DDX43: variants seen among roughly 807,000 people sequenced by gnomAD.
DDX43 encodes DEAD-box helicase 43.
A neutral mutation model predicts 84.9 loss-of-function variants in DDX43; 50 were observed. The observed-to-expected ratio is 0.59, with a 90% CI of 0.47 to 0.75. The LOEUF is 0.75. Ranked by LOEUF, DDX43 falls within the 30% of genes least tolerant of loss-of-function variation. The pLI is 0.00. For synonymous variants in DDX43, 291 were observed against 266.3 expected (o/e 1.09, Z -0.90); for missense variants, 689 against 798.6 (o/e 0.86, Z 1.65).
chr6:73,412,235 C>G lies in DDX43; in HGVS notation c.1311C>G (p.Leu437=), dbSNP rs138958030. The G allele has an allele frequency of 6.2e-6, 10 of 1,613,660 alleles. No individual in the cohort carries two copies. The South Asian group carries it at 9.9e-5, about 16-fold the overall frequency. ...CATGGCCTCATTCAGTTCATCGCCT[C>G]GCACAATCTTATTTGAAAGAACCAA... ...SATWPHSVHR[L]AQSYLKEPMI... is the part of the protein sequence containing the mutation. Residue 437 remains leucine, a synonymous_variant, in exon 11 of 17, where the codon CTC becomes CTG. Transcript: ENST00000370336.
chr6:73,409,195 T>G, intron 9 of DDX43, 53 bp from the exon 10 acceptor site: 1 of 1,346,104 alleles, frequency 7.4e-7, no homozygotes, highest in Non-Finnish European at 1.1e-6. Context: ...AGCATATGTA[T>G]TATTACCTGC....
Position 73,409,352 on chromosome 6 carries a change from C to T in DDX43, c.1280+4C>T, listed in dbSNP as rs780156993. On this transcript the variant is annotated splice_donor_region_variant and intron_variant, in intron 10 of 16. Coordinates refer to ENST00000370336, the MANE Select transcript of DDX43 (RefSeq NM_018665.3). Reference sequence around the variant, plus strand: ...ATAGGCAGACAGTTATGACCAGGTACGTATATGCTTAATTACTGTGTGCAG... The same window carrying T: ...ATAGGCAGACAGTTATGACCAGGTATGTATATGCTTAATTACTGTGTGCAG... The T allele has an allele frequency of 1.7e-5, 27 of 1,595,626 alleles. No homozygotes were observed. Among genetic ancestry groups the T allele is most frequent in the East Asian group, 4.5e-5 (2 of 44,784 alleles).
chr6:73,406,497 G>A lies in DDX43; in HGVS notation c.926+15G>A. On this transcript the variant is annotated intron_variant, in intron 7 of 16. Coordinates refer to ENST00000370336, the MANE Select transcript of DDX43 (RefSeq NM_018665.3). ...CTTCAACCCAGGTAAGAATTCCTAT[G>A]GCTGGTTTCTTCTTATAGAGGTTTA... 2 of 1,516,434 alleles carry A rather than the reference G, an allele frequency of 1.3e-6. No homozygotes were observed. Among genetic ancestry groups the A allele is most frequent in the Non-Finnish European group, 1.8e-6 (2 of 1,093,692 alleles). 93.9% of individuals were successfully genotyped at this position (1,516,434 alleles called of 1,614,324 possible). A position where few individuals can be genotyped will look rare whatever the true frequency, so the allele number is the denominator to read the frequency against.
At chr6:73,409,394 A>C (rs377362293) in intron 10 of DDX43, 46 bp downstream of exon 10, 271 of 1,404,778 alleles carry the variant, frequency 1.9e-4, no homozygotes, top group Middle Eastern at 8.8e-4. Context: ...AATCAGTGGA[A>C]TAGAATCTCA....
rs1219255040 is a variant in DDX43, at chr6:73,417,293, A to G, written c.*132A>G. On this transcript the variant is annotated 3_prime_UTR_variant, in exon 17 of 17. Coordinates refer to ENST00000370336, the MANE Select transcript of DDX43 (RefSeq NM_018665.3). The stretch of plus-strand genomic sequence containing the variant: ...ATTCTTAAAATAATAGTGTTTGAAA[A>G]TATAGAATCCAGTGTTTTATACTTT... 4 of 152,242 alleles carry G rather than the reference A, an allele frequency of 2.6e-5. No homozygotes were observed. The highest frequency in any genetic ancestry group is 9.6e-5 in the African/African-American group (4 of 41,472). 9.4% of individuals were successfully genotyped at this position (152,242 alleles called of 1,614,324 possible). A position where few individuals can be genotyped will look rare whatever the true frequency, so the allele number is the denominator to read the frequency against.
rs757650493 is a variant in DDX43 at position 73,409,321 on chromosome 6, G to A, written c.1253G>A (p.Arg418His). The A allele has an allele frequency of 6.8e-6, 11 of 1,613,972 alleles. No individual in the cohort carries two copies. The highest frequency in any genetic ancestry group is 2.2e-5 in the South Asian group (2 of 91,070). ...ATAATGAAGATTTTGTTAGATGTGC[G>A]CCCAGATAGGCAGACAGTTATGACC... ...PQIMKILLDV[R>H]PDRQTVMTSA... Residue 418 changes from arginine to histidine, a missense_variant, in exon 10 of 17, where the codon CGC (arginine) becomes CAC (histidine). Arg to His is a conservative substitution (Grantham distance 29, BLOSUM62 0). Coordinates refer to ENST00000370336, the MANE Select transcript of DDX43 (RefSeq NM_018665.3).
chr6:73,412,658 T>TGCGC (rs1391921205), intron 11 of DDX43, among the ~76,000 whole-genome samples: 1 of 87,842 alleles, frequency 1.1e-5, no homozygotes, highest in African/African-American at 4.2e-5. Flanking sequence ...TGTGTGTGTG[T>TGCGC]GTGTGTGTGT....
chr6:73,411,048 C>T (rs1251106930), intron 10 of DDX43, among the ~76,000 whole-genome samples: 1 of 151,372 alleles, frequency 6.6e-6, no homozygotes, highest in Admixed American at 6.6e-5. Context: ...TGGTGGCGGG[C>T]GCCTATAGTC....
rs1769927130 is a variant in DDX43, at chr6:73,417,545, G to A, written c.*384G>A. 6.6e-6 allele frequency: 1 copy of A among 152,126 alleles called. No homozygotes were observed. The highest frequency in any genetic ancestry group is 1.5e-5 in the Non-Finnish European group (1 of 68,012). The allele number at this position is 152,126 out of a possible 1,614,324, so 9.4% of individuals were successfully genotyped here. A position where few individuals can be genotyped will look rare whatever the true frequency, so the allele number is the denominator to read the frequency against. On this transcript the variant is annotated 3_prime_UTR_variant, in exon 17 of 17. Transcript: ENST00000370336. Reference sequence around the variant, plus strand: ...ACCTGAAAAAATACTGTTAATAAATGTTCGTTTCTGTGATAAAAAGACAAG... The same window carrying A: ...ACCTGAAAAAATACTGTTAATAAATATTCGTTTCTGTGATAAAAAGACAAG...
intron 10 of DDX43, among the ~76,000 whole-genome samples, chr6:73,410,849 C>G (rs1769771233): frequency 6.6e-6 from 1 of 152,156 alleles, no homozygotes; most frequent in Admixed American, 6.5e-5. Context: ...CCACCTAAGC[C>G]TCCCAAAGTG....
At chr6:73,395,280 C>T (rs1411283587) in intron 1 of DDX43, 125 bp downstream of exon 1, 5 of 1,221,974 alleles carry the variant, frequency 4.1e-6, no homozygotes, top group African/African-American at 1.5e-5. Context: ...AGGTCTCTCC[C>T]AGAGCTATTT....
chr6:73,395,753 A>G (rs1391603984), intron 1 of DDX43, among the ~76,000 whole-genome samples: 1 of 152,186 alleles, frequency 6.6e-6, no homozygotes, highest in African/African-American at 2.4e-5. Flanking sequence ...TTTAACAGAC[A>G]GCTAACCCCA....
chr6:73,415,300 AAAAT>A lies in DDX43; in HGVS notation c.1746-174_1746-171del, dbSNP rs546574050. On this transcript the variant is annotated intron_variant, in intron 14 of 16. Coordinates refer to ENST00000370336, the MANE Select transcript of DDX43 (RefSeq NM_018665.3). The stretch of plus-strand genomic sequence containing the variant: ...GCAACAGTGCAAGACTCCATCTCAA[AAAAT>A]AAATAAATAAATAAATAAATAAGAG... Among the ~76,000 whole-genome samples, 271 of 152,096 alleles carry A rather than the reference AAAAT, an allele frequency of 1.8e-3. 2 individuals carry two copies. In the South Asian group the frequency reaches 0.03, roughly 17 times the overall value.
At position 73,416,238 on chromosome 6, in the gene DDX43, C is replaced by CTA; in HGVS notation, c.*13_*14dup. ...AGAAGTTTCATTAATGTCTTCTGTA[C>CTA]TAGTGGGGTAGAGGTAAAAGTTCAA... On this transcript the variant is annotated 3_prime_UTR_variant, in exon 16 of 17. Transcript: ENST00000370336. 1 of 1,380,510 alleles carries CTA rather than the reference C, an allele frequency of 7.2e-7. No individual in the cohort carries two copies. The highest frequency in any genetic ancestry group is 1.0e-6 in the Non-Finnish European group (1 of 968,490). The allele number at this position is 1,380,510 out of a possible 1,614,324, so 85.5% of individuals were successfully genotyped here.
Position 73,412,276 on chromosome 6 carries a change from G to C in DDX43, c.1352G>C (p.Gly451Ala). The stretch of plus-strand genomic sequence containing the variant: ...AAAGAACCAATGATTGTCTATGTTG[G>C]TACATTGGATCTAGTTGTAAGCTTT... ...YLKEPMIVYV[G>A]TLDLVAVSSV... The change falls in exon 11 of 17, where the codon GGT becomes GCT. Residue 451 changes from glycine to alanine, a missense_variant. By Grantham distance (60) the Gly-to-Ala change is moderately conservative. Coordinates refer to ENST00000370336, the MANE Select transcript of DDX43 (RefSeq NM_018665.3). 6.2e-7 allele frequency: 1 copy of C among 1,611,802 alleles called. No homozygotes were observed. The highest frequency in any genetic ancestry group is 8.5e-7 in the Non-Finnish European group (1 of 1,179,236).
At chr6:73,413,621 G>A (rs1195977856) in intron 11 of DDX43, 37 bp from the exon 12 acceptor site, 2 of 1,601,252 alleles carry the variant, frequency 1.2e-6, no homozygotes, top group African/African-American at 1.3e-5. Context: ...CCTCAATCAT[G>A]ATGACCTTGA....
rs192375120 is a variant in DDX43 at position 73,414,923 on chromosome 6, G to A, written c.1745+237G>A. On this transcript the variant is annotated intron_variant, in intron 14 of 16. Coordinates refer to ENST00000370336, the MANE Select transcript of DDX43 (RefSeq NM_018665.3). Reference sequence around the variant, plus strand: ...TATGTGTTTTATATCTAGTGTCACCGCTGAGCTCTGTACCCAGTGGTTACT... The same window carrying A: ...TATGTGTTTTATATCTAGTGTCACCACTGAGCTCTGTACCCAGTGGTTACT... Among the ~76,000 whole-genome samples the A allele has an allele frequency of 2.7e-4, 41 of 152,070 alleles. No individual in the cohort carries two copies. The South Asian group carries it at 3.5e-3, about 13-fold the overall frequency.
At position 73,394,852 on chromosome 6, in the gene DDX43, C is replaced by A; in HGVS notation, c.-54C>A. ...CACGCTACTCTTACGACGTCACGGT[C>A]AGGTGGTGCAGAGCTGGACGGCAAC... On this transcript the variant is annotated 5_prime_UTR_variant, in exon 1 of 17. Coordinates refer to ENST00000370336, the MANE Select transcript of DDX43 (RefSeq NM_018665.3). 2 of 1,591,516 alleles carry A rather than the reference C, an allele frequency of 1.3e-6. No individual in the cohort carries two copies. Among genetic ancestry groups the A allele is most frequent in the Non-Finnish European group, 1.7e-6 (2 of 1,168,260 alleles).
chr6:73,397,703 A>G lies in DDX43; in HGVS notation c.265A>G (p.Lys89Glu). The G allele has an allele frequency of 6.2e-7, 1 of 1,613,564 alleles. No individual in the cohort carries two copies. The highest frequency in any genetic ancestry group is 8.5e-7 in the Non-Finnish European group (1 of 1,179,536). The change falls in exon 2 of 17, where the codon AAA becomes GAA. Residue 89 changes from lysine to glutamate, a missense_variant. Lys to Glu is a moderately conservative substitution (Grantham distance 56). This residue lies in a region of DDX43 where 552 missense variants were observed against 692.7 expected (regional missense o/e 0.80). Coordinates refer to ENST00000370336, the MANE Select transcript of DDX43 (RefSeq NM_018665.3). Reference sequence around the variant, plus strand: ...TTTAAAAACAGGTCGTGGTGGGTCAAAAATAAAGAATATACAAAGTACAAC... The same window carrying G: ...TTTAAAAACAGGTCGTGGTGGGTCAGAAATAAAGAATATACAAAGTACAAC... ...VGAVIGRGGS[K>E]IKNIQSTTNT... is the part of the protein sequence containing the mutation.
Sources: gnomAD v4.1 joint callset for allele counts (sites outside exome capture counted in the v4.1 genomes callset) on GRCh38, gnomAD v4.1.1 for gene constraint, gnomAD v4.1.1 regional missense constraint, MANE v1.5 for transcripts, NCBI Gene and HGNC (gene_info 2026-07-23, HGNC 2026-07-21) for gene names.